The following ANKS4B variants were observed in gnomAD, a reference collection of about 807,000 sequenced individuals.
ANKS4B encodes ankyrin repeat and SAM domain-containing protein 4B.
A neutral mutation model predicts 20.2 loss-of-function variants in ANKS4B; 21 were observed. The observed-to-expected ratio is 1.04, with a 90% CI of 0.74 to 1.50. The LOEUF is 1.50. Ranked by LOEUF, ANKS4B falls within the 40% of genes most tolerant of loss-of-function variation. ANKS4B has a pLI of 0.00. For missense variants in ANKS4B, 473 were observed against 494.6 expected (o/e 0.96, Z 0.41); for synonymous variants, 179 against 194.5 (o/e 0.92, Z 0.66).
chr16:21,234,114 C>T (rs1050613346), intron 1 of ANKS4B, among the ~76,000 whole-genome samples: 1 of 152,186 alleles, frequency 6.6e-6, no homozygotes, highest in African/African-American at 2.4e-5. Flanking sequence ...ATCCCTTAGC[C>T]ACAATCAGAG....
chr16:21,234,625 G>A (rs1162875992), intron 1 of ANKS4B, among the ~76,000 whole-genome samples: 1 of 151,964 alleles, frequency 6.6e-6, no homozygotes, highest in Non-Finnish European at 1.5e-5. Flanking sequence ...AACCCAAGAG[G>A]GGTAAAGAAA....
chr16:21,245,338 G>T (rs1026235677), intron 1 of ANKS4B, among the ~76,000 whole-genome samples: 2 of 152,180 alleles, frequency 1.3e-5, no homozygotes, highest in Non-Finnish European at 2.9e-5. Context: ...AGTTGGGTTG[G>T]AGACTTCTGC....
intron 1 of ANKS4B, among the ~76,000 whole-genome samples, 188 bp from the exon 2 acceptor site, chr16:21,249,535 CTGGCCATG>C (rs1485168675): frequency 1.1e-4 from 16 of 152,292 alleles, no homozygotes; most frequent in Admixed American, 1.0e-3. Context: ...GGCTCTGTTT[CTGGCCATG>C]TGGTTTTAAG....
chr16:21,233,805 G>A lies in ANKS4B; in HGVS notation c.68G>A (p.Arg23Gln), dbSNP rs751887530. ...GAACTTCTAAAAGAGGCTACCAAGC[G>A]AGATCTAAATCTTTCGGATGAAGAC... ...YLELLKEATK[R>Q]DLNLSDEDGM... Residue 23 changes from arginine (R) to glutamine (Q), a missense_variant, in exon 1 of 2, where the codon CGA (arginine) becomes CAA (glutamine). By Grantham distance (43) the Arg-to-Gln change is conservative (BLOSUM62 1). Coordinates refer to ENST00000311620, the MANE Select transcript of ANKS4B (RefSeq NM_145865.3). 3.7e-6 allele frequency: 6 copies of A among 1,614,038 alleles called. No homozygotes were observed. The Admixed American group carries it at 5.0e-5, about 13-fold the overall frequency.
intron 1 of ANKS4B, among the ~76,000 whole-genome samples, chr16:21,240,867 T>G (rs1002693059): frequency 1.1e-4 from 16 of 151,956 alleles, no homozygotes; most frequent in African/African-American, 3.6e-4. Flanking sequence ...CTTGGCTCAC[T>G]GCATCCTCCA....
At chr16:21,242,232 G>A (rs1411940347) in intron 1 of ANKS4B, among the ~76,000 whole-genome samples, 1 of 152,126 alleles carries the variant, frequency 6.6e-6, no homozygotes, top group Non-Finnish European at 1.5e-5. Flanking sequence ...CTGTCACCAG[G>A]CTGGAGTGAA....
chr16:21,244,556 A>C (rs957770299), intron 1 of ANKS4B, among the ~76,000 whole-genome samples: 1 of 152,112 alleles, frequency 6.6e-6, no homozygotes, highest in Non-Finnish European at 1.5e-5. Flanking sequence ...TTTGTTTTCA[A>C]CTTATCCAAT....
rs372062197 is a variant in ANKS4B at position 21,249,806 on chromosome 16, C to T, written c.240C>T (p.Cys80=). 42 of 1,614,084 alleles carry T rather than the reference C, an allele frequency of 2.6e-5. 1 individual carries two copies. The highest frequency in any genetic ancestry group is 8.9e-5 in the East Asian group (4 of 44,904). The change falls in exon 2 of 2, where the codon TGC becomes TGT. Residue 80 remains cysteine, a synonymous_variant. Transcript: ENST00000311620. The stretch of plus-strand genomic sequence containing the variant: ...CAGCCTCCAATGGCCATGCCCACTG[C>T]GTCTCATTCCTGGTCAACTTTGGTG... ...HFAASNGHAH[C]VSFLVNFGAN...
rs890142754 is a variant in ANKS4B at position 21,251,049 on chromosome 16, C to A, written c.*229C>A. 3 of 511,192 alleles carry A rather than the reference C, an allele frequency of 5.9e-6. No individual in the cohort carries two copies. The highest frequency in any genetic ancestry group is 1.0e-5 in the Non-Finnish European group (3 of 293,932). 31.7% of individuals were successfully genotyped at this position (511,192 alleles called of 1,614,324 possible). On this transcript the variant is annotated 3_prime_UTR_variant, in exon 2 of 2. Transcript: ENST00000311620. ...ACTTCATAACAAGAATCTGGCATTTCTCTTCAGTTATCTTATATGTACATA... is the reference window on the plus strand; with the variant it reads ...ACTTCATAACAAGAATCTGGCATTTATCTTCAGTTATCTTATATGTACATA...
rs1028744645 is a variant in ANKS4B, at chr16:21,233,834, A to T, written c.97A>T (p.Met33Leu). ...TCTAAATCTTTCGGATGAAGACGGCATGACTCCTACTCTCTTGGCAGCCTA... is the reference window on the plus strand; with the variant it reads ...TCTAAATCTTTCGGATGAAGACGGCTTGACTCCTACTCTCTTGGCAGCCTA... ...RDLNLSDEDG[M>L]TPTLLAAYHG... Residue 33 changes from methionine (M) to leucine (L), a missense_variant, in exon 1 of 2, where the codon ATG becomes TTG. Met to Leu is a conservative substitution (Grantham distance 15). Coordinates refer to ENST00000311620, the MANE Select transcript of ANKS4B (RefSeq NM_145865.3). 1 of 1,614,054 alleles carries T rather than the reference A, an allele frequency of 6.2e-7. No individual in the cohort carries two copies. Among genetic ancestry groups the T allele is most frequent in the Admixed American group, 1.7e-5 (1 of 60,016 alleles).
chr16:21,250,509 G>A lies in ANKS4B; in HGVS notation c.943G>A (p.Ala315Thr). ...AGGAGCATCAGAGGCTGATGAGGGT[G>A]CAGCTGATGAAGAGGGAGAGGAAAA... ...RQGASEADEGAADEEGEENGL... is the reference protein window; with the variant it reads ...RQGASEADEGTADEEGEENGL... The change falls in exon 2 of 2, where the codon GCA (alanine) becomes ACA (threonine). Residue 315 changes from alanine (A) to threonine (T), a missense_variant. By Grantham distance (58) the Ala-to-Thr change is moderately conservative. Transcript: ENST00000311620. 6.2e-7 allele frequency: 1 copy of A among 1,614,216 alleles called. No individual in the cohort carries two copies. The highest frequency in any genetic ancestry group is 8.5e-7 in the Non-Finnish European group (1 of 1,180,028).
chr16:21,240,688 A>G (rs572852126), intron 1 of ANKS4B, among the ~76,000 whole-genome samples: 1 of 152,274 alleles, frequency 6.6e-6, no homozygotes, highest in Non-Finnish European at 1.5e-5. Flanking sequence ...CAATCATATA[A>G]ACTATACTGA....
chr16:21,234,300 T>A (rs1597602192), intron 1 of ANKS4B, among the ~76,000 whole-genome samples: 1 of 152,106 alleles, frequency 6.6e-6, no homozygotes, highest in African/African-American at 2.4e-5. Context: ...GGTTTTAGTT[T>A]TTTTTTTATC....
Position 21,250,370 on chromosome 16 carries a change from T to C in ANKS4B, c.804T>C (p.Arg268=). The change falls in exon 2 of 2, where the codon CGT becomes CGC. Residue 268 remains arginine, a synonymous_variant. Coordinates refer to ENST00000311620, the MANE Select transcript of ANKS4B (RefSeq NM_145865.3). ...TGCACCATGAATCCATTCTCAATCG[T>C]CCAGGTCTAGGAAGTATTGTTTTTA... ...GSVHHESILN[R]PGLGSIVFRR... The C allele has an allele frequency of 1.2e-6, 2 of 1,614,110 alleles. No homozygotes were observed. Among genetic ancestry groups the C allele is most frequent in the South Asian group, 1.1e-5 (1 of 91,066 alleles).
chr16:21,234,525 A>C (rs1597602328), intron 1 of ANKS4B, among the ~76,000 whole-genome samples: 1 of 98,042 alleles, frequency 1.0e-5, no homozygotes. Context: ...CACACACCCC[A>C]TCTCTTTGCC....
At position 21,249,968 on chromosome 16, in the gene ANKS4B, G is replaced by C. The variant is rs550633210; in HGVS notation, c.402G>C (p.Arg134Ser). The C allele has an allele frequency of 2.0e-5, 32 of 1,614,200 alleles. 1 individual carries two copies. The highest frequency in any genetic ancestry group is 1.3e-4 in the East Asian group (6 of 44,884). ...QNIMNPKKVT[R>S]LKEQAQKNAR... ...TCATGAACCCCAAGAAGGTCACCAG[G>C]CTGAAGGAGCAGGCTCAGAAGAATG... Residue 134 changes from arginine to serine, a missense_variant, in exon 2 of 2, where the codon AGG becomes AGC. Arg to Ser is a moderately radical substitution (Grantham distance 110). Transcript: ENST00000311620.
Position 21,250,058 on chromosome 16 carries a change from C to T in ANKS4B, c.492C>T (p.Thr164=). The T allele has an allele frequency of 6.2e-7, 1 of 1,614,198 alleles. No homozygotes were observed. The change falls in exon 2 of 2, where the codon ACC becomes ACT. Residue 164 remains threonine, a synonymous_variant. Transcript: ENST00000311620. ...QEKHQNKMAH[T]YSKEESGTLS... ...AGCACCAAAATAAGATGGCCCACACCTACAGCAAGGAGGAATCCGGGACTC... is the reference window on the plus strand; with the variant it reads ...AGCACCAAAATAAGATGGCCCACACTTACAGCAAGGAGGAATCCGGGACTC...
chr16:21,245,540 C>A (rs1361079228), intron 1 of ANKS4B, among the ~76,000 whole-genome samples: 1 of 152,016 alleles, frequency 6.6e-6, no homozygotes, highest in Non-Finnish European at 1.5e-5. Flanking sequence ...GCGGCGCAAT[C>A]TCGGCTCACT....
chr16:21,252,675 A>G lies in ANKS4B; in HGVS notation c.*1855A>G, dbSNP rs1241827399. The G allele has an allele frequency of 1.3e-5, 2 of 152,212 alleles. No individual in the cohort carries two copies. The highest frequency in any genetic ancestry group is 2.9e-5 in the Non-Finnish European group (2 of 68,046). 9.4% of individuals were successfully genotyped at this position (152,212 alleles called of 1,614,324 possible). Reference sequence around the variant, plus strand: ...ACATTTTCATGCTTATTATGTACACATGGTTTATTTACTGTTGTCTGTCAC... The same window carrying G: ...ACATTTTCATGCTTATTATGTACACGTGGTTTATTTACTGTTGTCTGTCAC... On this transcript the variant is annotated 3_prime_UTR_variant, in exon 2 of 2. Transcript: ENST00000311620.
Sources: allele counts gnomAD v4.1 joint callset (sites outside exome capture counted in the v4.1 genomes callset), GRCh38; gene constraint gnomAD v4.1.1; transcripts MANE v1.5; gene names NCBI Gene and HGNC (gene_info 2026-07-23, HGNC 2026-07-21).